ZNF787: variants seen among roughly 807,000 people sequenced by gnomAD.
ZNF787 encodes zinc finger protein 787, also known as TTF-I-interacting peptide 20.
In ZNF787, 7 loss-of-function variants were observed where a neutral mutation model predicts 16.9. That is an observed-to-expected ratio of 0.42 (90% CI 0.24 to 0.78). The LOEUF is 0.78. Ranked by LOEUF, ZNF787 falls within the 30% of genes least tolerant of loss-of-function variation. ZNF787 has a pLI of 0.30. For synonymous variants in ZNF787, 345 were observed against 270.9 expected (o/e 1.27, Z -2.69); for missense variants, 551 against 589.3 (o/e 0.94, Z 0.67).
rs768618766 is a variant in ZNF787 at position 56,088,671 on chromosome 19, C to T, written c.501G>A (p.Lys167=). The T allele has an allele frequency of 2.5e-6, 4 of 1,578,986 alleles. No homozygotes were observed. The African/African-American group carries it at 5.4e-5, about 21-fold the overall frequency. Residue 167 remains lysine (K), a synonymous_variant, in exon 3 of 3, where the codon AAG becomes AAA. Transcript: ENST00000610935. This position sits in a 1 kb window ranked among gnomAD's most constrained non-coding sequence, Gnocchi z 8.6. ...RSFTQSKSLA[K]HRRSHSGLKP... is the part of the protein sequence containing the mutation. Reference sequence around the variant, plus strand: ...TGAGGCCGCTGTGCGAGCGCCGGTGCTTGGCCAGGCTCTTGCTCTGAGTGA... The same window carrying T: ...TGAGGCCGCTGTGCGAGCGCCGGTGTTTGGCCAGGCTCTTGCTCTGAGTGA...
chr19:56,096,081 T>C (rs1985856287), intron 2 of ZNF787, among the ~76,000 whole-genome samples: 1 of 152,100 alleles, frequency 6.6e-6, no homozygotes. Flanking sequence ...GTGGCTGCTC[T>C]GCCATCACCC....
Position 56,103,373 on chromosome 19 carries a change from G to A in ZNF787, c.-10-146C>T, listed in dbSNP as rs577206667. 207 of 648,580 alleles carry A rather than the reference G, an allele frequency of 3.2e-4. No individual in the cohort carries two copies. In the Admixed American group the frequency reaches 6.3e-3, roughly 20 times the overall value. 40.2% of individuals were successfully genotyped at this position (648,580 alleles called of 1,614,324 possible). On this transcript the variant is annotated intron_variant, in intron 1 of 2. Coordinates refer to ENST00000610935, the MANE Select transcript of ZNF787 (RefSeq NM_001002836.4). ...CACACAGCACCTACCCCAGGACACC[G>A]AGAACTGGCCTGGAGCTAGCCTGGC...
Position 56,088,102 on chromosome 19 carries a change from G to A in ZNF787, c.1070C>T (p.Ala357Val), listed in dbSNP as rs1250291280. The A allele has an allele frequency of 6.9e-7, 1 of 1,453,098 alleles. No individual in the cohort carries two copies. The highest frequency in any genetic ancestry group is 9.1e-7 in the Non-Finnish European group (1 of 1,098,002). 90.0% of individuals were successfully genotyped at this position (1,453,098 alleles called of 1,614,324 possible). ...CSSCGQSYYRAGGEEEDDDDE... is the reference protein window; with the variant it reads ...CSSCGQSYYRVGGEEEDDDDE... ...GTCGTCGTCCTCCTCCTCCCCGCCC[G>A]CGCGGTAGTAGCTCTGTCCGCAGCT... The change falls in exon 3 of 3, where the codon GCG becomes GTG. Residue 357 changes from alanine (A) to valine (V), a missense_variant. This residue lies in a region of ZNF787 where 392 missense variants were observed against 312.7 expected (regional missense o/e 1.25). Coordinates refer to ENST00000610935, the MANE Select transcript of ZNF787 (RefSeq NM_001002836.4). This position sits in a 1 kb window ranked among gnomAD's most constrained non-coding sequence, Gnocchi z 8.6.
At position 56,110,715 on chromosome 19, in the gene ZNF787, G is replaced by A. The variant is rs114679746; in HGVS notation, c.-10-7488C>T. Reference sequence around the variant, plus strand: ...CTTCCCAGCTCAGAGCCTTCCCCTGGCCTCCACCTCCGGCCAGCTTCCTGC... The same window carrying A: ...CTTCCCAGCTCAGAGCCTTCCCCTGACCTCCACCTCCGGCCAGCTTCCTGC... On this transcript the variant is annotated intron_variant, in intron 1 of 2. Transcript: ENST00000610935. Among the ~76,000 whole-genome samples, 1,016 of 152,302 alleles carry A rather than the reference G, an allele frequency of 6.7e-3. 15 individuals are homozygous for A. Among genetic ancestry groups the A allele is most frequent in the African/African-American group, 0.023 (972 of 41,556 alleles).
At chr19:56,107,913 G>A (rs906029158) in intron 1 of ZNF787, among the ~76,000 whole-genome samples, 3 of 152,132 alleles carry the variant, frequency 2.0e-5, no homozygotes, top group Admixed American at 6.5e-5. Flanking sequence ...TGGGGGCTGC[G>A]GGAGGGGCTG....
rs777068103 is a variant in ZNF787, at chr19:56,087,573, TTAAAAGAAAA to T, written c.*440_*449del. 196 of 153,052 alleles carry T rather than the reference TTAAAAGAAAA, an allele frequency of 1.3e-3. 1 individual carries two copies. The highest frequency in any genetic ancestry group is 2.2e-3 in the Non-Finnish European group (151 of 68,854). 9.5% of individuals were successfully genotyped at this position (153,052 alleles called of 1,614,324 possible). ...GGCGGGGAGTCAAAAGGTGGGCTGA[TTAAAAGAAAA>T]TTCTAAAAGAGAAAAGGGCCCCTGG... On this transcript the variant is annotated 3_prime_UTR_variant, in exon 3 of 3. Coordinates refer to ENST00000610935, the MANE Select transcript of ZNF787 (RefSeq NM_001002836.4).
rs559355249 is a variant in ZNF787 at position 56,114,025 on chromosome 19, C to A, written c.-11+7147G>T. ...AAATTGTACACTATGGGAATCATAT[C>A]ATAATAAAACTGTTCTCAACAAAAA... is the stretch of plus-strand genomic sequence containing the variant. On this transcript the variant is annotated intron_variant, in intron 1 of 2. Transcript: ENST00000610935. 5.9e-5 allele frequency among the ~76,000 whole-genome samples: 9 copies of A among 152,210 alleles called. No homozygotes were observed. The South Asian group carries it at 1.9e-3, about 32-fold the overall frequency.
chr19:56,101,217 TA>T (rs59797531), intron 2 of ZNF787, among the ~76,000 whole-genome samples: 112,160 of 148,828 alleles, frequency 0.75, 43,022 homozygotes, highest in South Asian at 0.85. Flanking sequence ...CACTGTCACA[TA>T]GGGGGGACGC....
intron 1 of ZNF787, among the ~76,000 whole-genome samples, chr19:56,107,136 T>G (rs1250332188): frequency 6.6e-6 from 1 of 151,944 alleles, no homozygotes; most frequent in African/African-American, 2.4e-5. Flanking sequence ...TGACGAACTG[T>G]GAGTAGATTG....
intron 1 of ZNF787, among the ~76,000 whole-genome samples, chr19:56,110,328 C>T (rs964577380): frequency 2.6e-5 from 4 of 151,240 alleles, no homozygotes; most frequent in African/African-American, 9.7e-5. Context: ...CGCCACTGCA[C>T]TCCAGCCTGG....
intron 1 of ZNF787, among the ~76,000 whole-genome samples, chr19:56,119,890 C>T (rs1197375487): frequency 6.6e-6 from 1 of 152,248 alleles, no homozygotes; most frequent in Non-Finnish European, 1.5e-5. Flanking sequence ...AGGATCAACG[C>T]AACTGTGCTT....
chr19:56,106,577 G>A lies in ZNF787; in HGVS notation c.-10-3350C>T, dbSNP rs570578362. Among the ~76,000 whole-genome samples the A allele has an allele frequency of 2.6e-5, 4 of 152,334 alleles. No individual in the cohort carries two copies. In the South Asian group the frequency reaches 8.3e-4, roughly 32 times the overall value. On this transcript the variant is annotated intron_variant, in intron 1 of 2. Coordinates refer to ENST00000610935, the MANE Select transcript of ZNF787 (RefSeq NM_001002836.4). ...GCAAAGCCCATGCTCCGGCCGTCTG[G>A]CCCCAGTTCCTGGTGTGACCTCACC... is the stretch of plus-strand genomic sequence containing the variant.
intron 2 of ZNF787, among the ~76,000 whole-genome samples, chr19:56,094,207 T>C (rs112543922): frequency 1.4e-4 from 20 of 145,716 alleles, no homozygotes; most frequent in African/African-American, 4.9e-4. Context: ...TTTTTTTTTT[T>C]CATTTTCAGT....
At chr19:56,100,012 C>T (rs1986031112) in intron 2 of ZNF787, among the ~76,000 whole-genome samples, 1 of 152,040 alleles carries the variant, frequency 6.6e-6, no homozygotes, top group African/African-American at 2.4e-5. Flanking sequence ...GCCAGTGCGC[C>T]GTGACTGTGT....
chr19:56,097,212 T>C (rs1985905966), intron 2 of ZNF787, among the ~76,000 whole-genome samples: 1 of 152,246 alleles, frequency 6.6e-6, no homozygotes, highest in Non-Finnish European at 1.5e-5. Flanking sequence ...GGGGCTGCAC[T>C]GACTGCAGGC....
intron 2 of ZNF787, among the ~76,000 whole-genome samples, chr19:56,092,435 C>T (rs1985646310): frequency 6.6e-6 from 1 of 152,158 alleles, no homozygotes; most frequent in Admixed American, 6.5e-5. Flanking sequence ...ACCTCTACGC[C>T]TCCTGCCCCA....
intron 1 of ZNF787, among the ~76,000 whole-genome samples, chr19:56,111,292 TG>T (rs2029972711): frequency 6.6e-6 from 1 of 151,852 alleles, no homozygotes; most frequent in South Asian, 2.1e-4. Context: ...GGGCAAGGCC[TG>T]GGCAGCTGGG....
intron 2 of ZNF787, among the ~76,000 whole-genome samples, chr19:56,091,896 TGCCGCAGCCGCAGCCGCA>T (rs796616298): frequency 7.0e-6 from 1 of 142,738 alleles, no homozygotes; most frequent in Admixed American, 6.9e-5. Context: ...CCGCTCCACT[TGCCGCAGCCGCAGCCGCA>T]GCCGCAGCCG....
chr19:56,115,365 T>TC (rs2030103083), intron 1 of ZNF787, among the ~76,000 whole-genome samples: 1 of 146,832 alleles, frequency 6.8e-6, no homozygotes, highest in African/African-American at 2.5e-5. Flanking sequence ...TTTTTTTTTT[T>TC]TTTTTTTTTT....
Sources: gnomAD v4.1 joint callset for allele counts (sites outside exome capture counted in the v4.1 genomes callset) on GRCh38, gnomAD v4.1.1 for gene constraint, gnomAD v4.1.1 regional missense constraint, Gnocchi (gnomAD v3.1) non-coding constraint, MANE v1.5 for transcripts, NCBI Gene and HGNC (gene_info 2026-07-23, HGNC 2026-07-21) for gene names.